Variants in ST3GAL3 observed in about 807,000 individuals in gnomAD.
ST3GAL3 encodes the protein ST3 beta-galactoside alpha-2,3-sialyltransferase 3, also known as CMP-N-acetylneuraminate-beta-1,4-galactoside alpha-2,3-sialyltransferase.
In ST3GAL3, 21 loss-of-function variants were observed where a neutral mutation model predicts 50.1. The observed-to-expected ratio is 0.42, with a 90% CI of 0.30 to 0.60. The LOEUF is 0.60. ST3GAL3 is among the 20% of genes least tolerant of loss of function. ST3GAL3 has a pLI of 0.19. For missense variants in ST3GAL3, 353 were observed against 489.4 expected, an observed-to-expected ratio of 0.72 and a Z score of 2.63; for synonymous variants, 183 against 190.0, an observed-to-expected ratio of 0.96 and a Z score of 0.30.
intron 2 of ST3GAL3, chr1:43,738,116 A>G (rs1679253099): frequency 6.6e-6 from 1 of 152,208 alleles, no homozygotes; most frequent in African/African-American, 2.4e-5. Context: ...AAAAAGAGAG[A>G]GAGAAAGGGG....
intron 2 of ST3GAL3, among the ~76,000 whole-genome samples, chr1:43,774,100 A>G (rs1273606646): frequency 6.6e-6 from 1 of 152,232 alleles, no homozygotes; most frequent in African/African-American, 2.4e-5. Context: ...GCCAAATGCA[A>G]TGAGTAAAAT....
At chr1:43,721,120 C>G (rs1370626661) in intron 1 of ST3GAL3, among the ~76,000 whole-genome samples, 1 of 151,852 alleles carries the variant, frequency 6.6e-6, no homozygotes, top group Non-Finnish European at 1.5e-5. Flanking sequence ...TAGTGCATAC[C>G]TGTAGTTTCA....
chr1:43,798,865 T>G lies in ST3GAL3; in HGVS notation c.166+6716T>G, dbSNP rs1037729499. 2.6e-5 allele frequency among the ~76,000 whole-genome samples: 4 copies of G among 152,150 alleles called. No homozygotes were observed. In the South Asian group the frequency reaches 6.2e-4, roughly 24 times the overall value. On this transcript the variant is annotated intron_variant, in intron 3 of 11. Coordinates refer to ENST00000347631, the MANE Select transcript of ST3GAL3 (RefSeq NM_006279.5). ...CGTCTGGCACATAATAGGTGCTAAG[T>G]AGGTGTTAAATAAATAGGTGTTAAA...
intron 5 of ST3GAL3, among the ~76,000 whole-genome samples, chr1:43,878,192 G>A (rs1331228180): frequency 2.6e-5 from 4 of 152,026 alleles, no homozygotes; most frequent in African/African-American, 7.3e-5. Context: ...TTGCCTTTTC[G>A]TCTGTGTGTG....
At chr1:43,722,867 C>G (rs1224635713) in intron 1 of ST3GAL3, among the ~76,000 whole-genome samples, 1 of 152,144 alleles carries the variant, frequency 6.6e-6, no homozygotes, top group Non-Finnish European at 1.5e-5. Flanking sequence ...ACTTGGAACT[C>G]AGAAGGGATA....
intron 3 of ST3GAL3, among the ~76,000 whole-genome samples, chr1:43,799,292 T>A (rs1411184840): frequency 1.3e-5 from 2 of 152,366 alleles, no homozygotes; most frequent in Non-Finnish European, 1.5e-5. Flanking sequence ...AAAAATTAAG[T>A]TATTTTTGTT....
chr1:43,820,797 T>C (rs1188554138), intron 4 of ST3GAL3, among the ~76,000 whole-genome samples: 1 of 152,196 alleles, frequency 6.6e-6, no homozygotes, highest in African/African-American at 2.4e-5. Context: ...TTTTTGTTGG[T>C]TAAAAATGTG....
intron 9 of ST3GAL3, among the ~76,000 whole-genome samples, chr1:43,905,211 T>C (rs1571116505): frequency 1.3e-5 from 1 of 75,928 alleles, no homozygotes; most frequent in Non-Finnish European, 2.6e-5. Flanking sequence ...CTCCCCCTCC[T>C]CCTGTTCCTC....
At chr1:43,883,528 C>T (rs2075493952) in intron 5 of ST3GAL3, among the ~76,000 whole-genome samples, 6 of 152,256 alleles carry the variant, frequency 3.9e-5, no homozygotes, top group Admixed American at 3.9e-4. Flanking sequence ...AGGCACCAGG[C>T]CAGCCCTGCA....
At chr1:43,756,911 A>G (rs1688327640) in intron 2 of ST3GAL3, among the ~76,000 whole-genome samples, 1 of 151,988 alleles carries the variant, frequency 6.6e-6, no homozygotes, top group Non-Finnish European at 1.5e-5. Flanking sequence ...AATGTGTTTT[A>G]TTTTATTTTT....
At chr1:43,763,288 G>A (rs1691252345) in intron 2 of ST3GAL3, among the ~76,000 whole-genome samples, 1 of 152,096 alleles carries the variant, frequency 6.6e-6, no homozygotes, top group African/African-American at 2.4e-5. Flanking sequence ...GCAAGGATGG[G>A]GAGTTTTCTT....
At chr1:43,736,951 G>T (rs540656276) in intron 2 of ST3GAL3, 39 of 225,036 alleles carry the variant, frequency 1.7e-4, no homozygotes, top group Middle Eastern at 1.9e-3. Context: ...TGTGCACTTT[G>T]TCTCATGTGT....
chr1:43,816,716 A>G (rs143715746), intron 4 of ST3GAL3, among the ~76,000 whole-genome samples: 93 of 152,348 alleles, frequency 6.1e-4, no homozygotes, highest in Admixed American at 1.9e-3. Context: ...CCTGCAGAGT[A>G]GGCTGTTGTG....
At chr1:43,790,984 G>A (rs1401887086) in intron 2 of ST3GAL3, among the ~76,000 whole-genome samples, 1 of 152,126 alleles carries the variant, frequency 6.6e-6, no homozygotes, top group Non-Finnish European at 1.5e-5. Flanking sequence ...TCTGATCACT[G>A]TACAGTATTT....
At chr1:43,902,027 GC>G (rs1020472762) in intron 9 of ST3GAL3, among the ~76,000 whole-genome samples, 4 of 152,320 alleles carry the variant, frequency 2.6e-5, no homozygotes, top group East Asian at 1.9e-4. Context: ...TCCACCCCAA[GC>G]CCAAGGCTAA....
chr1:43,731,510 G>A (rs964457943), intron 1 of ST3GAL3, among the ~76,000 whole-genome samples: 8 of 147,730 alleles, frequency 5.4e-5, no homozygotes, highest in Admixed American at 2.1e-4. Flanking sequence ...TCAGCCTCCC[G>A]AGTAGCTGGG....
rs978012155 is a variant in ST3GAL3, at chr1:43,921,419, T to C, written c.1038+491T>C. The C allele has an allele frequency of 1.7e-5, 7 of 407,722 alleles. No individual in the cohort carries two copies. In the South Asian group the frequency reaches 4.6e-4, roughly 27 times the overall value. The allele number at this position is 407,722 out of a possible 1,614,324, so 25.3% of individuals were successfully genotyped here. A position where few individuals can be genotyped will look rare whatever the true frequency, so the allele number is the denominator to read the frequency against. ...AGGTCTCCAGCCTGTCAGCCAGCCT[T>C]TTCTGGCATTTCTCCCTCCCTAGCC... On this transcript the variant is annotated intron_variant, in intron 11 of 11. Transcript: ENST00000347631.
At chr1:43,807,926 G>A (rs1368899491) in intron 3 of ST3GAL3, among the ~76,000 whole-genome samples, 2 of 152,158 alleles carry the variant, frequency 1.3e-5, no homozygotes, top group East Asian at 3.9e-4. Flanking sequence ...GGGTGATGAA[G>A]ATGAACTCTA....
rs191069423 is a variant in ST3GAL3, at chr1:43,765,690, C to A, written c.119-26412C>A. ...TACAGAGCTGAGAATTTAAGGATTC[C>A]TTGCTCTGGAAAGGCAAAAAAGGGT... On this transcript the variant is annotated intron_variant, in intron 2 of 11. Coordinates refer to ENST00000347631, the MANE Select transcript of ST3GAL3 (RefSeq NM_006279.5). Among the ~76,000 whole-genome samples, 457 of 151,894 alleles carry A rather than the reference C, an allele frequency of 3.0e-3. 9 individuals carry two copies. Among genetic ancestry groups the A allele is most frequent in the Admixed American group, 0.028 (423 of 15,262 alleles).
Sources: gnomAD v4.1 joint callset for allele counts (sites outside exome capture counted in the v4.1 genomes callset) on GRCh38, gnomAD v4.1.1 for gene constraint, MANE v1.5 for transcripts, NCBI Gene and HGNC (gene_info 2026-07-23, HGNC 2026-07-21) for gene names.